The following SIK2 variants were observed in gnomAD, a reference collection of about 807,000 sequenced individuals.
SIK2 encodes the protein serine/threonine-protein kinase SIK2.
Under a neutral mutation model 103.2 loss-of-function variants are expected in SIK2, and 29 were observed. The ratio of observed to expected loss-of-function variants is 0.28; its 90% CI spans 0.21 to 0.38. SIK2 has a LOEUF of 0.38. Among genes scored for constraint, SIK2 ranks in the 10% least tolerant of loss-of-function variants. The probability of loss-of-function intolerance (pLI) is 1.00; values close to 1 mark genes in which losing one functional copy is unlikely to be tolerated. For missense variants in SIK2, 879 were observed against 1,171.0 expected, an observed-to-expected ratio of 0.75 and a Z score of 3.64; for synonymous variants, 412 against 446.1, an observed-to-expected ratio of 0.92 and a Z score of 0.96.
At chr11:111,700,472 G>A (rs1549497) in intron 4 of SIK2, among the ~76,000 whole-genome samples, 144,422 of 152,294 alleles carry the variant, frequency 0.95, 68,843 homozygotes, top group East Asian at 1. Flanking sequence ...GTGTTTAGGT[G>A]AATGTCTTAG....
intron 3 of SIK2, among the ~76,000 whole-genome samples, chr11:111,669,401 A>G (rs1315691315): frequency 2.0e-5 from 3 of 152,162 alleles, no homozygotes; most frequent in African/African-American, 7.2e-5. Flanking sequence ...ATTATTTTTA[A>G]AACTTCTTCA....
At chr11:111,720,396 C>T (rs1478582032) in intron 10 of SIK2, 82 bp from the exon 11 acceptor site, 1 of 1,393,962 alleles carries the variant, frequency 7.2e-7, no homozygotes, top group Admixed American at 2.5e-5. Context: ...GCTGTCAAAA[C>T]TCAAGCTGGT....
chr11:111,650,550 T>A (rs1942314654), intron 3 of SIK2, among the ~76,000 whole-genome samples: 2 of 152,146 alleles, frequency 1.3e-5, no homozygotes, highest in African/African-American at 4.8e-5. Context: ...TAATTATTAG[T>A]TTGGAGAAAG....
chr11:111,651,591 C>T (rs774241436), intron 3 of SIK2, among the ~76,000 whole-genome samples: 5 of 152,110 alleles, frequency 3.3e-5, no homozygotes, highest in Non-Finnish European at 7.4e-5. Flanking sequence ...GGCTTAATAC[C>T]TAGGTGATGA....
Position 111,727,183 on chromosome 11 carries a change from A to G in SIK2, c.*3054A>G. On this transcript the variant is annotated 3_prime_UTR_variant, in exon 15 of 15. Transcript: ENST00000304987. ...CTGCACTGCCTTCTGTCACCGTGGG[A>G]AAAGGAGGCTGATGGTTCTCTACAC... 1 of 763,280 alleles carries G rather than the reference A, an allele frequency of 1.3e-6. No individual in the cohort carries two copies. Among genetic ancestry groups the G allele is most frequent in the Non-Finnish European group, 2.2e-6 (1 of 448,034 alleles). The allele number at this position is 763,280 out of a possible 1,614,324, so 47.3% of individuals were successfully genotyped here. A position where few individuals can be genotyped will look rare whatever the true frequency, so the allele number is the denominator to read the frequency against.
At chr11:111,608,264 A>T (rs1941674511) in intron 1 of SIK2, among the ~76,000 whole-genome samples, 1 of 152,218 alleles carries the variant, frequency 6.6e-6, no homozygotes, top group African/African-American at 2.4e-5. Flanking sequence ...CTTCATTTTA[A>T]AAAAATTTTT....
In SIK2 at chr11:111,616,502, CTA is replaced by C. The variant is rs1941808503; in HGVS notation, c.252+147_252+148del. 1.5e-5 allele frequency: 9 copies of C among 592,862 alleles called. No homozygotes were observed. In the South Asian group the frequency reaches 2.1e-4, roughly 14 times the overall value. 36.7% of individuals were successfully genotyped at this position (592,862 alleles called of 1,614,324 possible). A position where few individuals can be genotyped will look rare whatever the true frequency, so the allele number is the denominator to read the frequency against. On this transcript the variant is annotated intron_variant, in intron 2 of 14. Coordinates refer to ENST00000304987, the MANE Select transcript of SIK2 (RefSeq NM_015191.3). ...ATTTGTTACTAAGTACACCATTTTT[CTA>C]TATTGTCTTTAAACTTAAAAATCAG...
At chr11:111,632,607 G>A (rs1035481712) in intron 3 of SIK2, among the ~76,000 whole-genome samples, 1 of 152,070 alleles carries the variant, frequency 6.6e-6, no homozygotes, top group African/African-American at 2.4e-5. Flanking sequence ...TTTGCCCAGG[G>A]TCACAGAGCA....
At chr11:111,651,611 T>A (rs1245278750) in intron 3 of SIK2, among the ~76,000 whole-genome samples, 1 of 152,164 alleles carries the variant, frequency 6.6e-6, no homozygotes, top group Non-Finnish European at 1.5e-5. Flanking sequence ...AGTCGGTAGG[T>A]GTGGCAAACC....
chr11:111,719,116 G>T (rs1943728015), intron 9 of SIK2, among the ~76,000 whole-genome samples: 1 of 152,218 alleles, frequency 6.6e-6, no homozygotes, highest in Admixed American at 6.5e-5. Flanking sequence ...TTTTGGGCCA[G>T]TGAGCCCTTT....
chr11:111,682,390 A>G (rs1210687944), intron 3 of SIK2, among the ~76,000 whole-genome samples: 1 of 152,224 alleles, frequency 6.6e-6, no homozygotes, highest in Non-Finnish European at 1.5e-5. Flanking sequence ...AAAGGGCTCC[A>G]GAAACAAAAT....
rs1943908693 is a variant in SIK2 at position 111,724,504 on chromosome 11, T to C, written c.*375T>C. On this transcript the variant is annotated 3_prime_UTR_variant, in exon 15 of 15. Transcript: ENST00000304987. Reference sequence around the variant, plus strand: ...CCTTGGTGAAAGCAGAAAGGGTGTGTGCTATTGCATATATATGGGGGAAAA... The same window carrying C: ...CCTTGGTGAAAGCAGAAAGGGTGTGCGCTATTGCATATATATGGGGGAAAA... The C allele has an allele frequency of 4.6e-6, 1 of 219,772 alleles. No homozygotes were observed. The highest frequency in any genetic ancestry group is 9.1e-6 in the Non-Finnish European group (1 of 110,082). The allele number at this position is 219,772 out of a possible 1,614,324, so 13.6% of individuals were successfully genotyped here.
intron 3 of SIK2, among the ~76,000 whole-genome samples, chr11:111,658,664 C>A (rs1347510047): frequency 6.6e-6 from 1 of 151,972 alleles, no homozygotes; most frequent in African/African-American, 2.4e-5. Flanking sequence ...ATCACCTGAG[C>A]CCGGTGATCA....
At position 111,719,934 on chromosome 11, in the gene SIK2, A is replaced by G; in HGVS notation, c.1426A>G (p.Thr476Ala). The change falls in exon 10 of 15, where the codon ACA becomes GCA. Residue 476 changes from threonine to alanine, a missense_variant. Transcript: ENST00000304987. ...TCATGCCTTTGAGGCATTTCAGTCC[A>G]CACGCAGCGGGCAGAGACGGCACAC... is the stretch of plus-strand genomic sequence containing the variant. ...PAHAFEAFQS[T>A]RSGQRRHTLS... is the part of the protein sequence containing the mutation. The G allele has an allele frequency of 1.2e-6, 2 of 1,614,200 alleles. No individual in the cohort carries two copies. Among genetic ancestry groups the G allele is most frequent in the Non-Finnish European group, 1.7e-6 (2 of 1,180,030 alleles).
At chr11:111,723,056 T>C (rs994821244) in intron 14 of SIK2, among the ~76,000 whole-genome samples, 1 of 152,104 alleles carries the variant, frequency 6.6e-6, no homozygotes, top group African/African-American at 2.4e-5. Context: ...GGAGGTGGGG[T>C]AGGCGGCACA....
chr11:111,722,652 T>G lies in SIK2; in HGVS notation c.2056-13T>G. 1 of 1,612,188 alleles carries G rather than the reference T, an allele frequency of 6.2e-7. No individual in the cohort carries two copies. The highest frequency in any genetic ancestry group is 8.5e-7 in the Non-Finnish European group (1 of 1,179,364). ...CACATTGTCACGCTCATGTTGTTTT[T>G]CTGCTCTTCCAGAAGCCCAGCCTTC... On this transcript the variant is annotated splice_polypyrimidine_tract_variant and intron_variant, in intron 13 of 14. Coordinates refer to ENST00000304987, the MANE Select transcript of SIK2 (RefSeq NM_015191.3). The surrounding 1 kb of genome is among the most constrained non-coding windows in gnomAD (Gnocchi z 4.4).
chr11:111,677,520 CG>C (rs1942719006), intron 3 of SIK2, among the ~76,000 whole-genome samples: 2 of 151,478 alleles, frequency 1.3e-5, no homozygotes, highest in African/African-American at 4.9e-5. Flanking sequence ...CAGGTTCATG[CG>C]ATTCTCCTAC....
rs191773743 is a variant in SIK2, at chr11:111,680,567, T to C, written c.317-7434T>C. ...AAATTATTAATCTTTTGTGCTGTTA[T>C]TCAGCTCCATCTTTGAGGAATGCTA... On this transcript the variant is annotated intron_variant, in intron 3 of 14. Coordinates refer to ENST00000304987, the MANE Select transcript of SIK2 (RefSeq NM_015191.3). Among the ~76,000 whole-genome samples the C allele has an allele frequency of 1.8e-4, 28 of 152,366 alleles. No homozygotes were observed. The East Asian group carries it at 3.7e-3, about 20-fold the overall frequency.
chr11:111,633,749 C>G (rs1942069041), intron 3 of SIK2, among the ~76,000 whole-genome samples: 1 of 152,180 alleles, frequency 6.6e-6, no homozygotes, highest in Non-Finnish European at 1.5e-5. Flanking sequence ...ATGCATTTAA[C>G]CTGGGTAACT....
Sources: allele counts gnomAD v4.1 joint callset (sites outside exome capture counted in the v4.1 genomes callset), GRCh38; gene constraint gnomAD v4.1.1; non-coding constraint Gnocchi (gnomAD v3.1); transcripts MANE v1.5; gene names NCBI Gene and HGNC (gene_info 2026-07-23, HGNC 2026-07-21).